Variants in ZMYM2 observed in about 807,000 individuals in gnomAD.
ZMYM2 encodes the protein zinc finger MYM-type protein 2.
ZMYM2 carries 56 observed loss-of-function variants against 162.8 expected under a neutral mutation model. The observed-to-expected ratio is 0.34, with a 90% CI of 0.28 to 0.43. ZMYM2 has a LOEUF of 0.43. Among genes scored for constraint, ZMYM2 ranks in the 20% least tolerant of loss-of-function variants. The pLI is 1.00. For synonymous variants in ZMYM2, 510 were observed against 541.6 expected (o/e 0.94, Z 0.81); for missense variants, 1,275 against 1,621.8 (o/e 0.79, Z 3.67).
chr13:19,916,768 G>C, the ZMYM2 span, among the ~76,000 whole-genome samples: 1 of 152,078 alleles, frequency 6.6e-6, no homozygotes, highest in African/African-American at 2.4e-5. Context: ...TGTAAATGAC[G>C]AGTTGATGGG....
intron 2 of ZMYM2, among the ~76,000 whole-genome samples, chr13:19,986,321 C>T (rs935662848): frequency 7.9e-5 from 12 of 151,554 alleles, no homozygotes; most frequent in Non-Finnish European, 1.5e-4. Context: ...CCCAGGAGTC[C>T]AGCATGGGCA....
At chr13:20,028,594 T>A (rs1322037707) in intron 9 of ZMYM2, among the ~76,000 whole-genome samples, 1 of 152,182 alleles carries the variant, frequency 6.6e-6, no homozygotes, top group Non-Finnish European at 1.5e-5. Flanking sequence ...CCTGCAGATA[T>A]AAAATTCCAG....
chr13:19,951,457 A>T, the ZMYM2 span, among the ~76,000 whole-genome samples: 1 of 144,408 alleles, frequency 6.9e-6, no homozygotes, highest in Non-Finnish European at 1.5e-5. Context: ...TGGGAGGCTG[A>T]GGCAGGTGGA....
intron 7 of ZMYM2, among the ~76,000 whole-genome samples, chr13:20,020,384 A>C (rs1174492018): frequency 6.6e-6 from 1 of 151,772 alleles, no homozygotes; most frequent in Non-Finnish European, 1.5e-5. Flanking sequence ...ACAGTCATGC[A>C]CCACCACACC....
Position 20,061,131 on chromosome 13 carries a change from A to G in ZMYM2, c.2818A>G (p.Lys940Glu). The G allele has an allele frequency of 6.2e-7, 1 of 1,613,482 alleles. No homozygotes were observed. Among genetic ancestry groups the G allele is most frequent in the Non-Finnish European group, 8.5e-7 (1 of 1,179,692 alleles). Residue 940 changes from lysine (K) to glutamate (E), a missense_variant, in exon 17 of 25, where the codon AAG (lysine) becomes GAG (glutamate). Physicochemically the swap from Lys to Glu is moderately conservative, Grantham distance 56 (BLOSUM62 1). This residue lies in a region of ZMYM2 where 229 missense variants were observed against 283.8 expected (regional missense o/e 0.81). Coordinates refer to ENST00000610343, the MANE Select transcript of ZMYM2 (RefSeq NM_197968.4). ...IPAAIEELKS[K>E]VSSDALDTEL... ...TGCAGCAATTGAGGAGCTAAAAAGC[A>G]AGGTTTCTTCAGATGCTCTTGATAC...
the ZMYM2 span, among the ~76,000 whole-genome samples, chr13:19,876,600 G>A: frequency 6.6e-6 from 1 of 151,556 alleles, no homozygotes; most frequent in Non-Finnish European, 1.5e-5. Flanking sequence ...TAGGATTACA[G>A]GCGTGAGCCA....
chr13:19,906,284 GTATATA>G, the ZMYM2 span, among the ~76,000 whole-genome samples: 361 of 63,786 alleles, frequency 5.7e-3, 8 homozygotes, highest in South Asian at 0.028. Context: ...TCAAAAAAAA[GTATATA>G]TATATATATA....
intron 2 of ZMYM2, among the ~76,000 whole-genome samples, chr13:19,979,446 T>G (rs1957107983): frequency 1.0e-5 from 1 of 98,678 alleles, no homozygotes; most frequent in South Asian, 3.3e-4. Flanking sequence ...TTTTTTTTTT[T>G]GCCCAGTTTA....
At chr13:19,924,878 CTTT>C in the ZMYM2 span, among the ~76,000 whole-genome samples, 2 of 136,758 alleles carry the variant, frequency 1.5e-5, no homozygotes, top group Admixed American at 7.5e-5. Flanking sequence ...TTTATTGAAA[CTTT>C]TTTTTTTTTT....
At chr13:20,044,252 G>A (rs1468858621) in intron 12 of ZMYM2, among the ~76,000 whole-genome samples, 1 of 152,164 alleles carries the variant, frequency 6.6e-6, no homozygotes, top group Non-Finnish European at 1.5e-5. Context: ...AGCTTTCCCT[G>A]CCAACTCAAG....
intron 2 of ZMYM2, among the ~76,000 whole-genome samples, chr13:19,973,530 G>T (rs1375974460): frequency 1.3e-5 from 2 of 151,776 alleles, no homozygotes; most frequent in Non-Finnish European, 2.9e-5. Context: ...AATTAGCAGG[G>T]CGTGGTGGTG....
the ZMYM2 span, among the ~76,000 whole-genome samples, chr13:19,926,916 C>CT: frequency 6.6e-5 from 10 of 152,346 alleles, no homozygotes; most frequent in South Asian, 1.9e-3. Flanking sequence ...AATTTGCCTG[C>CT]TTCAGTCTCC....
At chr13:19,864,855 C>T in the ZMYM2 span, 3 of 152,392 alleles carry the variant, frequency 2.0e-5, no homozygotes, top group South Asian at 6.2e-4. Context: ...TGTTCCTCGT[C>T]TACACCTACG....
In ZMYM2 at chr13:19,993,749, G is replaced by T. The variant is rs1278812459; in HGVS notation, c.677G>T (p.Gly226Val). Residue 226 changes from glycine to valine, a missense_variant, in exon 3 of 25, where the codon GGA (glycine) becomes GTA (valine). Physicochemically the swap from Gly to Val is moderately radical, Grantham distance 109. This residue lies in a region of ZMYM2 where 295 missense variants were observed against 286.7 expected (regional missense o/e 1.03). Coordinates refer to ENST00000610343, the MANE Select transcript of ZMYM2 (RefSeq NM_197968.4). ...HVTSLQNTNLGDVSNGLQSSN... is the reference protein window; with the variant it reads ...HVTSLQNTNLVDVSNGLQSSN... ...ACATCACTGCAGAATACCAACTTGG[G>T]AGATGTCTCTAACGGACTGCAGTCA... 2 of 1,614,088 alleles carry T rather than the reference G, an allele frequency of 1.2e-6. No individual in the cohort carries two copies. Among genetic ancestry groups the T allele is most frequent in the Non-Finnish European group, 1.7e-6 (2 of 1,179,974 alleles).
At chr13:19,951,325 G>T in the ZMYM2 span, among the ~76,000 whole-genome samples, 2 of 151,972 alleles carry the variant, frequency 1.3e-5, no homozygotes, top group Admixed American at 1.3e-4. Flanking sequence ...CAAACCATAT[G>T]TCTGATAAGA....
At chr13:20,074,196 TTGTGTGTGTGTGTGTGTGTGTGTG>T (rs59855358) in intron 21 of ZMYM2, among the ~76,000 whole-genome samples, 1 of 141,502 alleles carries the variant, frequency 7.1e-6, no homozygotes, top group Non-Finnish European at 1.5e-5. Flanking sequence ...ATGTCAGAAT[TTGTGTGTGTGTGTGTGTGTGTGTG>T]TGTGTGTGTG....
At chr13:19,973,057 C>T (rs1051753341) in intron 2 of ZMYM2, among the ~76,000 whole-genome samples, 1 of 151,702 alleles carries the variant, frequency 6.6e-6, no homozygotes, top group Non-Finnish European at 1.5e-5. Context: ...CTGCCTCAGC[C>T]TCCCGAGTAG....
chr13:19,920,618 G>A, the ZMYM2 span, among the ~76,000 whole-genome samples: 1 of 151,626 alleles, frequency 6.6e-6, no homozygotes, highest in African/African-American at 2.4e-5. Flanking sequence ...GGGGAGAGAA[G>A]GAGAGTCGGG....
In ZMYM2 at chr13:20,034,398, A is replaced by G; in HGVS notation, c.2113A>G (p.Ser705Gly). Reference protein sequence around the residue: ...NFSGVKRPFCSEGCKLLYKQD... With the variant: ...NFSGVKRPFCGEGCKLLYKQD... ...CTCTGGCGTTAAGAGACCTTTCTGT[A>G]GTGAAGGCAAGTTGCATATACAGTG... The change falls in exon 11 of 25, where the codon AGT (serine) becomes GGT (glycine). Residue 705 changes from serine (S) to glycine (G), a missense_variant. Around this residue, in one of 10 missense-constraint regions of ZMYM2, gnomAD observed 177 missense variants for 228.0 expected, o/e 0.78. Coordinates refer to ENST00000610343, the MANE Select transcript of ZMYM2 (RefSeq NM_197968.4). The G allele has an allele frequency of 6.3e-7, 1 of 1,586,700 alleles. No individual in the cohort carries two copies. Among genetic ancestry groups the G allele is most frequent in the Non-Finnish European group, 8.5e-7 (1 of 1,170,176 alleles).
Sources: gnomAD v4.1 joint callset for allele counts (sites outside exome capture counted in the v4.1 genomes callset) on GRCh38, gnomAD v4.1.1 for gene constraint, gnomAD v4.1.1 regional missense constraint, MANE v1.5 for transcripts, NCBI Gene and HGNC (gene_info 2026-07-23, HGNC 2026-07-21) for gene names.